GSG1L: variants seen among roughly 807,000 people sequenced by gnomAD.
GSG1L encodes GSG1 like.
Under a neutral mutation model 42.1 loss-of-function variants are expected in GSG1L, and 24 were observed. That is an observed-to-expected ratio of 0.57 (90% confidence interval 0.41 to 0.80). The LOEUF is 0.80. GSG1L is among the 30% of genes least tolerant of loss of function. The pLI is 0.00. For synonymous variants in GSG1L, 215 were observed against 203.5 expected (o/e 1.06, Z -0.48); for missense variants, 445 against 472.2 (o/e 0.94, Z 0.53).
chr16:27,953,626 C>A (rs1177876993), intron 2 of GSG1L, among the ~76,000 whole-genome samples: 1 of 152,094 alleles, frequency 6.6e-6, no homozygotes, highest in Non-Finnish European at 1.5e-5. Flanking sequence ...TACTTGTAAT[C>A]CCAGCACTTT....
chr16:27,845,184 T>C, intron 3 of GSG1L, 123 bp from the exon 4 acceptor site: 1 of 626,988 alleles, frequency 1.6e-6, no homozygotes, highest in Non-Finnish European at 2.8e-6. Flanking sequence ...AACAGGGACC[T>C]CTGGGTAAGG....
chr16:27,931,159 C>T (rs2084653653), intron 2 of GSG1L, among the ~76,000 whole-genome samples: 1 of 151,900 alleles, frequency 6.6e-6, no homozygotes, highest in Admixed American at 6.5e-5. Flanking sequence ...ACATCTGCTT[C>T]TTCACTCGGG....
intron 1 of GSG1L, among the ~76,000 whole-genome samples, chr16:28,060,689 C>CCAGAATCCCCTGT (rs1301070412): frequency 6.6e-6 from 1 of 152,064 alleles, no homozygotes; most frequent in Non-Finnish European, 1.5e-5. Context: ...AGCTCCCTTG[C>CCAGAATCCCCTGT]CAGAATCCCC....
chr16:27,997,905 G>A (rs1159297847), intron 1 of GSG1L, among the ~76,000 whole-genome samples: 1 of 143,574 alleles, frequency 7.0e-6, no homozygotes, highest in Non-Finnish European at 1.5e-5. Context: ...TGCTACCCAG[G>A]CTGGAGTGCA....
intron 1 of GSG1L, among the ~76,000 whole-genome samples, chr16:27,978,859 G>A (rs1385536595): frequency 2.6e-5 from 4 of 151,984 alleles, no homozygotes; most frequent in African/African-American, 9.7e-5. Flanking sequence ...TTGCTGGGAA[G>A]GCTAAATAAG....
intron 2 of GSG1L, chr16:27,888,226 G>T: frequency 5.4e-6 from 3 of 557,754 alleles, no homozygotes; most frequent in East Asian, 1.4e-4. Flanking sequence ...GGGCCAGGAC[G>T]CTTCCCCCGC....
chr16:28,052,576 C>T (rs2086232227), intron 1 of GSG1L, among the ~76,000 whole-genome samples: 1 of 152,168 alleles, frequency 6.6e-6, no homozygotes, highest in Non-Finnish European at 1.5e-5. Flanking sequence ...CCTTTCCTGC[C>T]TTGACAGCCA....
At position 27,845,065 on chromosome 16, in the gene GSG1L, T is replaced by C. The variant is rs1055722785; in HGVS notation, c.551-4A>G. 4.4e-6 allele frequency: 7 copies of C among 1,605,080 alleles called. No individual in the cohort carries two copies. Among genetic ancestry groups the C allele is most frequent in the Non-Finnish European group, 6.0e-6 (7 of 1,172,818 alleles). ...TGGGCGACCATTCCCAGGAGGCCTG[T>C]GGGGCAGAGAGCAGAGCAAAGCGTC... On this transcript the variant is annotated splice_polypyrimidine_tract_variant and splice_region_variant and intron_variant, in intron 3 of 6. Transcript: ENST00000447459.
chr16:27,851,488 CCCTGCTGGATCTGAGTT>C (rs2083514826), intron 3 of GSG1L, among the ~76,000 whole-genome samples: 1 of 152,114 alleles, frequency 6.6e-6, no homozygotes, highest in Non-Finnish European at 1.5e-5. Flanking sequence ...AGCCCCTGTG[CCCTGCTGGATCTGAGTT>C]CTTAAGCAGA....
chr16:27,887,440 G>A (rs1332045528), intron 2 of GSG1L, among the ~76,000 whole-genome samples: 8 of 152,188 alleles, frequency 5.3e-5, no homozygotes, highest in Non-Finnish European at 1.0e-4. Context: ...CATGCCTGAG[G>A]CTGCCGGTCC....
intron 2 of GSG1L, among the ~76,000 whole-genome samples, chr16:27,945,315 T>C (rs1010427423): frequency 2.0e-5 from 3 of 152,062 alleles, no homozygotes; most frequent in African/African-American, 7.2e-5. Context: ...AGAAATTTCT[T>C]TAATGTAAAA....
At chr16:28,047,489 A>G (rs574020597) in intron 1 of GSG1L, among the ~76,000 whole-genome samples, 31 of 152,190 alleles carry the variant, frequency 2.0e-4, no homozygotes, top group Non-Finnish European at 4.0e-4. Flanking sequence ...AATAAATAGT[A>G]TTTGTTTAAG....
intron 3 of GSG1L, among the ~76,000 whole-genome samples, chr16:27,856,754 A>G (rs1226968532): frequency 1.3e-5 from 2 of 152,238 alleles, no homozygotes; most frequent in South Asian, 2.1e-4. Flanking sequence ...TGAGTGATTT[A>G]GAGAAAATGC....
Position 27,899,124 on chromosome 16 carries a change from C to T in GSG1L, c.398-14486G>A, listed in dbSNP as rs150131380. Among the ~76,000 whole-genome samples, 30 of 152,338 alleles carry T rather than the reference C, an allele frequency of 2.0e-4. No individual in the cohort carries two copies. In the East Asian group the frequency reaches 5.2e-3, roughly 26 times the overall value. On this transcript the variant is annotated intron_variant, in intron 2 of 6. Transcript: ENST00000447459. ...GCCAGGAAAGGCCCTCCATGGGAAG[C>T]GCCCCCAGACATCTGCTGATTCCCG...
chr16:28,029,509 G>A (rs1215803532), intron 1 of GSG1L, among the ~76,000 whole-genome samples: 1 of 144,052 alleles, frequency 6.9e-6, no homozygotes, highest in Admixed American at 7.1e-5. Context: ...GGCTGAATGT[G>A]TAGATATATG....
At chr16:28,009,176 C>T (rs577727922) in intron 1 of GSG1L, among the ~76,000 whole-genome samples, 2 of 152,252 alleles carry the variant, frequency 1.3e-5, no homozygotes, top group East Asian at 3.9e-4. Context: ...TGTTCTCCTC[C>T]CTGCTCTTTC....
intron 2 of GSG1L, among the ~76,000 whole-genome samples, chr16:27,903,016 C>T (rs545942866): frequency 1.6e-4 from 24 of 152,112 alleles, no homozygotes; most frequent in African/African-American, 5.8e-4. Context: ...CCAGGCGAGC[C>T]GAGTGACCAG....
Position 27,791,197 on chromosome 16 carries a change from C to A in GSG1L, c.*173G>T. The A allele has an allele frequency of 2.4e-6, 1 of 416,142 alleles. No individual in the cohort carries two copies. 25.8% of individuals were successfully genotyped at this position (416,142 alleles called of 1,614,324 possible). On this transcript the variant is annotated 3_prime_UTR_variant, in exon 7 of 7. Transcript: ENST00000447459. The stretch of plus-strand genomic sequence containing the variant: ...CTTGGGCCTGCCCTGGCCCCATTTC[C>A]AAGGCCATGGGACCCAGGCAGCGAT...
chr16:27,845,571 G>C (rs922192691), intron 3 of GSG1L, among the ~76,000 whole-genome samples: 5 of 152,184 alleles, frequency 3.3e-5, no homozygotes, highest in Admixed American at 1.3e-4. Flanking sequence ...CCCAGCTGTA[G>C]AGTGGGCTTT....
Sources: allele counts gnomAD v4.1 joint callset (sites outside exome capture counted in the v4.1 genomes callset), GRCh38; gene constraint gnomAD v4.1.1; transcripts MANE v1.5; gene names NCBI Gene and HGNC (gene_info 2026-07-23, HGNC 2026-07-21).